The following RERE variants were observed in gnomAD, a reference collection of about 807,000 sequenced individuals.
The protein encoded by RERE is arginine-glutamic acid dipeptide repeats protein.
Under a neutral mutation model 146.1 loss-of-function variants are expected in RERE, and 40 were observed. The ratio of observed to expected loss-of-function variants is 0.27; its 90% confidence interval spans 0.21 to 0.36. The LOEUF is 0.36. RERE is among the 10% of genes least tolerant of loss of function. The pLI is 1.00. For synonymous variants in RERE, 1,003 were observed against 866.0 expected, an observed-to-expected ratio of 1.16 and a Z score of -2.78; for missense variants, 1,933 against 2,138.7, an observed-to-expected ratio of 0.90 and a Z score of 1.90.
chr1:8,812,677 G>GCACAGA (rs1641835346), intron 1 of RERE, among the ~76,000 whole-genome samples: 2 of 151,938 alleles, frequency 1.3e-5, no homozygotes, highest in African/African-American at 4.8e-5. Context: ...TTTTACACTG[G>GCACAGA]CACAGACCAC....
intron 12 of RERE, among the ~76,000 whole-genome samples, chr1:8,374,879 C>G (rs72864293): frequency 0.021 from 3,143 of 152,344 alleles, 121 homozygotes; most frequent in African/African-American, 0.073. Context: ...ATACCACCCC[C>G]ACCTCCTCCT....
chr1:8,479,614 G>C (rs1174472928), intron 10 of RERE, among the ~76,000 whole-genome samples: 1 of 152,212 alleles, frequency 6.6e-6, no homozygotes, highest in East Asian at 1.9e-4. Flanking sequence ...GCAGCGTGAA[G>C]ATGAGCAGAG....
chr1:8,360,900 T>TG lies in RERE; in HGVS notation c.2606dup (p.Gln870ThrfsTer233). 1.3e-6 allele frequency: 2 copies of TG among 1,495,310 alleles called. No individual in the cohort carries two copies. The highest frequency in any genetic ancestry group is 8.9e-7 in the Non-Finnish European group (1 of 1,129,274). 92.6% of individuals were successfully genotyped at this position (1,495,310 alleles called of 1,614,324 possible). A position where few individuals can be genotyped will look rare whatever the true frequency, so the allele number is the denominator to read the frequency against. On this transcript the variant is annotated frameshift_variant, in exon 18 of 23. Transcript: ENST00000400908. LOFTEE classifies it high-confidence loss of function. ...CCTGGGGAGGGAGGCCAAAGGGCTG[T>TG]GGGGGGCCTGGGTGCTGCAGCAGGG...
chr1:8,359,302 C>A lies in RERE; in HGVS notation c.3619-386G>T, dbSNP rs75047906. On this transcript the variant is annotated intron_variant, in intron 19 of 22. Coordinates refer to ENST00000400908, the MANE Select transcript of RERE (RefSeq NM_001042681.2). Reference sequence around the variant, plus strand: ...TGGGTTGGCTGCCCTTTCCTCCCCGCGACAGCAGAGAGCTGGCCACCACCA... The same window carrying A: ...TGGGTTGGCTGCCCTTTCCTCCCCGAGACAGCAGAGAGCTGGCCACCACCA... 5.2e-3 allele frequency among the ~76,000 whole-genome samples: 792 copies of A among 152,274 alleles called. 6 individuals are homozygous for A. Among genetic ancestry groups the A allele is most frequent in the African/African-American group, 0.016 (662 of 41,554 alleles).
At chr1:8,748,727 T>C (rs545684119) in intron 1 of RERE, among the ~76,000 whole-genome samples, 2 of 152,280 alleles carry the variant, frequency 1.3e-5, no homozygotes, top group South Asian at 2.1e-4. Flanking sequence ...ATTTCTCCTT[T>C]TGTCTTTCTT....
intron 12 of RERE, among the ~76,000 whole-genome samples, chr1:8,383,715 C>A (rs564809816): frequency 2.9e-4 from 44 of 152,034 alleles, no homozygotes; most frequent in African/African-American, 9.6e-4. Context: ...AAAAATTAGC[C>A]GGGTGTGGTG....
chr1:8,715,152 G>A (rs937783219), intron 1 of RERE, among the ~76,000 whole-genome samples: 6 of 151,972 alleles, frequency 3.9e-5, no homozygotes, highest in East Asian at 3.9e-4. Context: ...GATTACAGTC[G>A]TGAGCCACCA....
chr1:8,731,312 G>C (rs764570251), intron 1 of RERE, among the ~76,000 whole-genome samples: 1 of 152,096 alleles, frequency 6.6e-6, no homozygotes, highest in Non-Finnish European at 1.5e-5. Context: ...CAGGGAGAGG[G>C]GAAAGTAACC....
chr1:8,794,380 A>AAAC (rs1641426929), intron 1 of RERE, among the ~76,000 whole-genome samples: 1 of 151,000 alleles, frequency 6.6e-6, no homozygotes, highest in Non-Finnish European at 1.5e-5. Context: ...AAAAAAAAAA[A>AAAC]AGCCTCTGAA....
intron 4 of RERE, among the ~76,000 whole-genome samples, chr1:8,571,632 C>A (rs899190180): frequency 2.6e-5 from 4 of 152,210 alleles, no homozygotes; most frequent in Non-Finnish European, 5.9e-5. Flanking sequence ...ATTATTTCTT[C>A]TCTTCCTTTA....
intron 4 of RERE, among the ~76,000 whole-genome samples, chr1:8,613,017 C>A (rs1646810671): frequency 2.0e-5 from 3 of 152,180 alleles, no homozygotes; most frequent in Admixed American, 2.0e-4. Flanking sequence ...ACGTGTTATG[C>A]TGTTGCAACA....
intron 4 of RERE, among the ~76,000 whole-genome samples, chr1:8,605,897 T>C (rs1054433080): frequency 7.6e-6 from 1 of 131,410 alleles, no homozygotes; most frequent in Non-Finnish European, 1.6e-5. Context: ...CAGGCTGGAA[T>C]ACAGTGGCAT....
chr1:8,705,016 T>TA (rs1181148888), intron 1 of RERE, among the ~76,000 whole-genome samples: 3 of 152,216 alleles, frequency 2.0e-5, no homozygotes, highest in Non-Finnish European at 4.4e-5. Context: ...AAATTGATCC[T>TA]AAAGCCTTGC....
At chr1:8,400,345 T>G (rs577696005) in intron 12 of RERE, among the ~76,000 whole-genome samples, 18 of 151,798 alleles carry the variant, frequency 1.2e-4, no homozygotes, top group African/African-American at 4.4e-4. Flanking sequence ...CTTGAACCCC[T>G]GGGCTCAAGC....
At chr1:8,638,849 C>T (rs1188848123) in intron 2 of RERE, among the ~76,000 whole-genome samples, 3 of 131,854 alleles carry the variant, frequency 2.3e-5, no homozygotes, top group Non-Finnish European at 4.6e-5. Context: ...AGTGCAGTGG[C>T]GCGAAGCTCC....
intron 1 of RERE, among the ~76,000 whole-genome samples, chr1:8,779,984 A>G (rs1044267582): frequency 6.6e-6 from 1 of 152,138 alleles, no homozygotes; most frequent in Non-Finnish European, 1.5e-5. Context: ...TGAGGCCAGG[A>G]GTTCAAGACC....
chr1:8,644,553 C>T (rs1647238445), intron 2 of RERE, among the ~76,000 whole-genome samples: 1 of 152,206 alleles, frequency 6.6e-6, no homozygotes, highest in Non-Finnish European at 1.5e-5. Context: ...AACATGCTTG[C>T]TTTTTATTAG....
rs558961340 is a variant in RERE, at chr1:8,708,017, A to C, written c.-144-51576T>G. Among the ~76,000 whole-genome samples the C allele has an allele frequency of 4.6e-5, 7 of 152,306 alleles. No homozygotes were observed. The East Asian group carries it at 9.6e-4, about 21-fold the overall frequency. On this transcript the variant is annotated intron_variant, in intron 1 of 22. Transcript: ENST00000400908. ...AAATCAAATTTTATCATAGGTAGGT[A>C]TGTGTAGGAAAATAGTAAAAACAGG...
chr1:8,384,255 C>G (rs556810808), intron 12 of RERE, among the ~76,000 whole-genome samples: 1 of 152,288 alleles, frequency 6.6e-6, no homozygotes, highest in South Asian at 2.1e-4. Context: ...CACGGAGGTC[C>G]AGTCTCTCCC....
Sources: gnomAD v4.1 joint callset for allele counts (sites outside exome capture counted in the v4.1 genomes callset) on GRCh38, gnomAD v4.1.1 for gene constraint, MANE v1.5 for transcripts, NCBI Gene and HGNC (gene_info 2026-07-23, HGNC 2026-07-21) for gene names.